DCC: variants seen among roughly 807,000 people sequenced by gnomAD.
The protein encoded by DCC is DCC netrin 1 receptor, also known as netrin receptor DCC.
DCC carries 58 observed loss-of-function variants against 172.5 expected under a neutral mutation model. The observed-to-expected ratio is 0.34, with a 90% CI of 0.27 to 0.42. The LOEUF is 0.42. Ranked by LOEUF, DCC falls within the 10% of genes least tolerant of loss-of-function variation. The pLI, the probability that DCC is intolerant of heterozygous loss-of-function variation, is 1.00. For synonymous variants in DCC, 709 were observed against 644.5 expected, an observed-to-expected ratio of 1.10 and a Z score of -1.52; for missense variants, 1,740 against 1,791.0, an observed-to-expected ratio of 0.97 and a Z score of 0.51.
At chr18:52,724,653 C>G (rs138554432) in intron 1 of DCC, among the ~76,000 whole-genome samples, 104 of 152,258 alleles carry the variant, frequency 6.8e-4, no homozygotes, top group African/African-American at 2.5e-3. Flanking sequence ...TATTTTTTGT[C>G]CTTTGGCAAC....
At chr18:52,807,157 T>C (rs1417496935) in intron 2 of DCC, among the ~76,000 whole-genome samples, 1 of 152,180 alleles carries the variant, frequency 6.6e-6, no homozygotes, top group East Asian at 1.9e-4. Flanking sequence ...GTCGCGCCAC[T>C]GCACTCCAGC....
chr18:52,515,063 T>C (rs1297576614), intron 1 of DCC, among the ~76,000 whole-genome samples: 3 of 152,094 alleles, frequency 2.0e-5, no homozygotes, highest in Admixed American at 2.0e-4. Context: ...AAATATTCAG[T>C]CAAGACAATG....
chr18:52,802,760 C>T (rs1183233587), intron 2 of DCC, among the ~76,000 whole-genome samples: 1 of 145,212 alleles, frequency 6.9e-6, no homozygotes, highest in Non-Finnish European at 1.5e-5. Flanking sequence ...CTAGCCTCAG[C>T]CTCCCAAAGT....
chr18:52,514,570 G>T (rs1221390017), intron 1 of DCC, among the ~76,000 whole-genome samples: 2 of 152,192 alleles, frequency 1.3e-5, no homozygotes, highest in Non-Finnish European at 2.9e-5. Context: ...GGTTTTATTT[G>T]TATGCATGAG....
chr18:53,277,240 C>A (rs182154236), intron 12 of DCC, among the ~76,000 whole-genome samples: 2 of 152,072 alleles, frequency 1.3e-5, no homozygotes, highest in African/African-American at 4.8e-5. Context: ...GAGGCCAAGG[C>A]GGGAGGATCA....
At chr18:53,142,091 G>T (rs1001506068) in intron 7 of DCC, among the ~76,000 whole-genome samples, 2 of 152,190 alleles carry the variant, frequency 1.3e-5, no homozygotes, top group African/African-American at 2.4e-5. Flanking sequence ...AATTTTATTA[G>T]CTATTAGCTG....
intron 13 of DCC, among the ~76,000 whole-genome samples, chr18:53,309,962 G>GTA (rs5825007): frequency 7.4e-4 from 98 of 133,290 alleles, no homozygotes; most frequent in African/African-American, 1.9e-3. Context: ...ATATACGTGT[G>GTA]TGTATATATA....
intron 2 of DCC, among the ~76,000 whole-genome samples, chr18:52,753,080 T>A (rs2037023909): frequency 6.6e-6 from 1 of 152,154 alleles, no homozygotes; most frequent in African/African-American, 2.4e-5. Context: ...ATGCTGCAAT[T>A]AACATGGAGT....
At chr18:53,243,128 T>A (rs2056323347) in intron 12 of DCC, among the ~76,000 whole-genome samples, 1 of 152,174 alleles carries the variant, frequency 6.6e-6, no homozygotes, top group South Asian at 2.1e-4. Flanking sequence ...AAAACAGTCC[T>A]ATTTTGGTTT....
intron 20 of DCC, among the ~76,000 whole-genome samples, chr18:53,413,005 C>G (rs1485541082): frequency 1.3e-5 from 2 of 152,164 alleles, no homozygotes; most frequent in African/African-American, 2.4e-5. Flanking sequence ...CTAATCCTCC[C>G]CAGGGTCCCA....
rs982104351 is a variant in DCC at position 52,468,066 on chromosome 18, A to G, written c.91+127188A>G. On this transcript the variant is annotated intron_variant, in intron 1 of 28. Coordinates refer to ENST00000442544, the MANE Select transcript of DCC (RefSeq NM_005215.4). ...ACATTCACCATAAATCAACTAAGTA[A>G]TAGTTATGTTCATTCATTCAAAGGT... Among the ~76,000 whole-genome samples, 7 of 152,306 alleles carry G rather than the reference A, an allele frequency of 4.6e-5. No homozygotes were observed. In the South Asian group the frequency reaches 1.2e-3, roughly 27 times the overall value.
At chr18:52,910,584 G>C (rs1271112784) in intron 3 of DCC, among the ~76,000 whole-genome samples, 1 of 152,108 alleles carries the variant, frequency 6.6e-6, no homozygotes, top group Non-Finnish European at 1.5e-5. Flanking sequence ...GTGATGAATG[G>C]AAGCAGCCAT....
chr18:53,242,783 A>G (rs566434564), intron 12 of DCC, among the ~76,000 whole-genome samples: 13 of 152,174 alleles, frequency 8.5e-5, no homozygotes, highest in African/African-American at 2.2e-4. Flanking sequence ...ACATTATCCA[A>G]TCTTTCACAT....
At chr18:53,137,501 A>T (rs2043762176) in intron 7 of DCC, among the ~76,000 whole-genome samples, 1 of 152,190 alleles carries the variant, frequency 6.6e-6, no homozygotes. Flanking sequence ...GCTATGACAT[A>T]GCTTTGTAAA....
In DCC at chr18:52,906,175, C is replaced by G. The variant is rs199679918; in HGVS notation, c.544C>G (p.Pro182Ala). 3.9e-5 allele frequency: 63 copies of G among 1,614,080 alleles called. 1 individual carries two copies. The East Asian group carries it at 1.2e-3, about 31-fold the overall frequency. ...GCAGAAGAACCAACAAGACCTGACT[C>G]CAATCCCAGGTGACTCCCGAGTGGT... ...HWQKNQQDLT[P>A]IPGDSRVVVL... Residue 182 changes from proline to alanine, a missense_variant, in exon 3 of 29, where the codon CCA becomes GCA. Pro to Ala is a conservative substitution (Grantham distance 27). Coordinates refer to ENST00000442544, the MANE Select transcript of DCC (RefSeq NM_005215.4).
intron 5 of DCC, among the ~76,000 whole-genome samples, chr18:52,928,289 G>T (rs576518955): frequency 6.6e-6 from 1 of 152,192 alleles, no homozygotes; most frequent in East Asian, 1.9e-4. Flanking sequence ...GGCCTACTGA[G>T]AGTGGAGGGT....
intron 15 of DCC, among the ~76,000 whole-genome samples, chr18:53,360,169 G>T (rs1599063642): frequency 6.6e-6 from 1 of 152,066 alleles, no homozygotes; most frequent in Non-Finnish European, 1.5e-5. Flanking sequence ...TTGTGTGTTT[G>T]TGTGTTTTAA....
chr18:52,431,119 C>T (rs148436607), intron 1 of DCC, among the ~76,000 whole-genome samples: 2 of 152,144 alleles, frequency 1.3e-5, no homozygotes, highest in Non-Finnish European at 1.5e-5. Context: ...ACCATCATCA[C>T]CAGAGAACTT....
intron 1 of DCC, among the ~76,000 whole-genome samples, chr18:52,610,382 C>CAG (rs1200692346): frequency 2.0e-5 from 1 of 49,964 alleles, no homozygotes; most frequent in Admixed American, 3.8e-4. Flanking sequence ...TCTGTCTCAA[C>CAG]AAAAAAAAAA....
Sources: gnomAD v4.1 joint callset for allele counts (sites outside exome capture counted in the v4.1 genomes callset) on GRCh38, gnomAD v4.1.1 for gene constraint, MANE v1.5 for transcripts, NCBI Gene and HGNC (gene_info 2026-07-23, HGNC 2026-07-21) for gene names.